The following PLA2G4A variants were observed in gnomAD, a reference collection of about 807,000 sequenced individuals.
PLA2G4A encodes phospholipase A2 group IVA.
In PLA2G4A, 40 loss-of-function variants were observed where a neutral mutation model predicts 81.9. The ratio of observed to expected loss-of-function variants is 0.49; its 90% confidence interval spans 0.38 to 0.64. The LOEUF (loss-of-function observed/expected upper bound fraction) is 0.64. Ranked by LOEUF, PLA2G4A falls within the 30% of genes least tolerant of loss-of-function variation. The pLI, the probability that PLA2G4A is intolerant of heterozygous loss-of-function variation, is 0.00. For missense variants in PLA2G4A, 715 were observed against 905.1 expected, an observed-to-expected ratio of 0.79 and a Z score of 2.69; for synonymous variants, 302 against 296.9, an observed-to-expected ratio of 1.02 and a Z score of -0.18.
rs566083170 is a variant in PLA2G4A at position 186,960,872 on chromosome 1, G to T, written c.1579+4528G>T. Among the ~76,000 whole-genome samples, 3 of 152,270 alleles carry T rather than the reference G, an allele frequency of 2.0e-5. No individual in the cohort carries two copies. The South Asian group carries it at 6.2e-4, about 32-fold the overall frequency. The stretch of plus-strand genomic sequence containing the variant: ...GAATAGGGAATGCGCAATGTAATTG[G>T]CTAGTACTTTAAGTTGTTGAATTTT... On this transcript the variant is annotated intron_variant, in intron 14 of 17. Coordinates refer to ENST00000367466, the MANE Select transcript of PLA2G4A (RefSeq NM_024420.3).
At chr1:186,976,787 T>A (rs779111633) in intron 15 of PLA2G4A, among the ~76,000 whole-genome samples, 2 of 152,212 alleles carry the variant, frequency 1.3e-5, no homozygotes, top group Non-Finnish European at 2.9e-5. Context: ...CCCCAGTGAG[T>A]TAGCCTGCTT....
chr1:186,946,968 T>C lies in PLA2G4A; in HGVS notation c.1264+7T>C, dbSNP rs1656368089. ...ACAATGGAGGAAGAATTAGGTATCC[T>C]AAAGATATGCTTACATTGATACAAA... On this transcript the variant is annotated splice_region_variant and intron_variant, in intron 12 of 17. Transcript: ENST00000367466. The C allele has an allele frequency of 2.1e-6, 3 of 1,459,086 alleles. No homozygotes were observed. Among genetic ancestry groups the C allele is most frequent in the African/African-American group, 1.4e-5 (1 of 72,056 alleles). The allele number at this position is 1,459,086 out of a possible 1,614,324, so 90.4% of individuals were successfully genotyped here.
At chr1:186,977,482 A>G (rs1294505113) in intron 15 of PLA2G4A, 111 bp from the exon 16 acceptor site, 2 of 716,410 alleles carry the variant, frequency 2.8e-6, no homozygotes, top group African/African-American at 3.5e-5. Flanking sequence ...CCTAGCAAGG[A>G]GTACATTGCT....
At chr1:186,842,480 G>A (rs1042211974) in intron 1 of PLA2G4A, among the ~76,000 whole-genome samples, 16 of 152,122 alleles carry the variant, frequency 1.1e-4, no homozygotes, top group Admixed American at 1.0e-3. Flanking sequence ...CCTGTTACGG[G>A]CTGAAATATG....
intron 1 of PLA2G4A, among the ~76,000 whole-genome samples, chr1:186,850,214 G>A (rs1428024503): frequency 6.6e-6 from 1 of 152,048 alleles, no homozygotes. Context: ...TTAAATATTT[G>A]TCTGTGTATA....
intron 7 of PLA2G4A, among the ~76,000 whole-genome samples, chr1:186,919,305 G>A (rs924221974): frequency 3.3e-5 from 5 of 152,128 alleles, no homozygotes; most frequent in South Asian, 2.1e-4. Context: ...TCCAGGTTCC[G>A]GTAGGCTACA....
At chr1:186,944,543 G>T (rs566474322) in intron 10 of PLA2G4A, among the ~76,000 whole-genome samples, 19 of 152,234 alleles carry the variant, frequency 1.2e-4, no homozygotes, top group African/African-American at 4.3e-4. Context: ...CAAATTCCAC[G>T]TAAATCGTTG....
At position 186,927,625 on chromosome 1, in the gene PLA2G4A, A is replaced by G. The variant is rs545766171; in HGVS notation, c.559-5138A>G. Among the ~76,000 whole-genome samples the G allele has an allele frequency of 4.6e-5, 7 of 152,358 alleles. No homozygotes were observed. The South Asian group carries it at 1.0e-3, about 23-fold the overall frequency. On this transcript the variant is annotated intron_variant, in intron 7 of 17. Coordinates refer to ENST00000367466, the MANE Select transcript of PLA2G4A (RefSeq NM_024420.3). ...GATAATGCTTTTTCTTAAGGAAGAC[A>G]ATAAGGACCATATTTCAGTTTAAAC...
chr1:186,883,701 A>T (rs1653825464), intron 3 of PLA2G4A, among the ~76,000 whole-genome samples: 1 of 152,180 alleles, frequency 6.6e-6, no homozygotes, highest in Non-Finnish European at 1.5e-5. Context: ...GTAGGAAATC[A>T]CAAAATAATG....
Position 186,988,619 on chromosome 1 carries a change from C to A in PLA2G4A, c.*111C>A. The A allele has an allele frequency of 4.2e-6, 4 of 945,900 alleles. No homozygotes were observed. Among genetic ancestry groups the A allele is most frequent in the Non-Finnish European group, 6.8e-6 (4 of 587,112 alleles). 58.6% of individuals were successfully genotyped at this position (945,900 alleles called of 1,614,324 possible). A position where few individuals can be genotyped will look rare whatever the true frequency, so the allele number is the denominator to read the frequency against. ...AGTCGTACTGATCATGAGAGACTGGCTGATACTCAAAGTTGCAGTTACTTA... is the reference window on the plus strand; with the variant it reads ...AGTCGTACTGATCATGAGAGACTGGATGATACTCAAAGTTGCAGTTACTTA... On this transcript the variant is annotated 3_prime_UTR_variant, in exon 18 of 18. Coordinates refer to ENST00000367466, the MANE Select transcript of PLA2G4A (RefSeq NM_024420.3).
At chr1:186,912,096 G>A (rs1184637056) in intron 7 of PLA2G4A, among the ~76,000 whole-genome samples, 1 of 152,166 alleles carries the variant, frequency 6.6e-6, no homozygotes, top group African/African-American at 2.4e-5. Context: ...GCACCCATTG[G>A]CAAGGGTGGG....
chr1:186,944,603 C>T (rs1656272295), intron 10 of PLA2G4A, among the ~76,000 whole-genome samples: 1 of 152,124 alleles, frequency 6.6e-6, no homozygotes, highest in Non-Finnish European at 1.5e-5. Context: ...TTGGCTTTGA[C>T]ATATAATGAA....
intron 3 of PLA2G4A, among the ~76,000 whole-genome samples, chr1:186,871,172 G>C (rs922705230): frequency 6.6e-6 from 1 of 152,076 alleles, no homozygotes; most frequent in Admixed American, 6.6e-5. Flanking sequence ...ACTGGTATAG[G>C]ACAGCCTGAA....
intron 5 of PLA2G4A, among the ~76,000 whole-genome samples, chr1:186,902,688 G>A (rs756162224): frequency 1.3e-4 from 19 of 151,802 alleles, no homozygotes; most frequent in Admixed American, 4.6e-4. Context: ...ATAAGTCTCC[G>A]GAGCTCCCCA....
chr1:186,912,741 CA>C (rs1558429944), intron 7 of PLA2G4A, among the ~76,000 whole-genome samples: 1 of 140,316 alleles, frequency 7.1e-6, no homozygotes, highest in Non-Finnish European at 1.5e-5. Flanking sequence ...CATATATATA[CA>C]TATATATGTA....
intron 17 of PLA2G4A, among the ~76,000 whole-genome samples, chr1:186,980,769 T>C (rs1657695025): frequency 8.2e-6 from 1 of 122,344 alleles, no homozygotes; most frequent in Non-Finnish European, 2.0e-5. Context: ...TTAATTAATA[T>C]CTTTAATTTT....
chr1:186,892,204 G>T (rs961160454), intron 3 of PLA2G4A, among the ~76,000 whole-genome samples: 3 of 151,956 alleles, frequency 2.0e-5, no homozygotes, highest in African/African-American at 7.3e-5. Context: ...CTTGTCAGAT[G>T]GGTAGTTTGC....
intron 1 of PLA2G4A, among the ~76,000 whole-genome samples, chr1:186,851,831 A>G (rs1652383691): frequency 6.6e-6 from 1 of 152,024 alleles, no homozygotes; most frequent in Admixed American, 6.6e-5. Context: ...ATACAGTATA[A>G]TAGTAAATGG....
intron 1 of PLA2G4A, among the ~76,000 whole-genome samples, chr1:186,837,039 T>C (rs1254571744): frequency 1.3e-5 from 2 of 152,102 alleles, no homozygotes; most frequent in Non-Finnish European, 2.9e-5. Flanking sequence ...TTAATGAGCC[T>C]GCAAAGAAGC....
Sources: allele counts gnomAD v4.1 joint callset (sites outside exome capture counted in the v4.1 genomes callset), GRCh38; gene constraint gnomAD v4.1.1; transcripts MANE v1.5; gene names NCBI Gene and HGNC (gene_info 2026-07-23, HGNC 2026-07-21).